The following CLDN10 variants were observed in gnomAD, a reference collection of about 807,000 sequenced individuals.
CLDN10 encodes the protein claudin-10.
A neutral mutation model predicts 22.9 loss-of-function variants in CLDN10; 15 were observed. That is an observed-to-expected ratio of 0.65 (90% CI 0.44 to 1.01). CLDN10 has a LOEUF of 1.01. CLDN10 is among the 50% of genes least tolerant of loss of function. The pLI is 0.00. For missense variants in CLDN10, 247 were observed against 287.8 expected (o/e 0.86, Z 1.03); for synonymous variants, 114 against 111.4 (o/e 1.02, Z -0.15).
At chr13:95,468,487 A>G (rs1011668044) in intron 1 of CLDN10, among the ~76,000 whole-genome samples, 6 of 152,158 alleles carry the variant, frequency 3.9e-5, no homozygotes, top group Admixed American at 3.3e-4. Context: ...ACACTTTGGG[A>G]GGCTGAGGTG....
intron 1 of CLDN10, among the ~76,000 whole-genome samples, chr13:95,467,111 T>A (rs1333798122): frequency 7.2e-5 from 11 of 151,754 alleles, no homozygotes; most frequent in Non-Finnish European, 2.9e-5. Flanking sequence ...TCTCCTGACT[T>A]CATGATCTGC....
intron 1 of CLDN10, among the ~76,000 whole-genome samples, chr13:95,537,364 T>C (rs2043411723): frequency 6.6e-6 from 1 of 152,168 alleles, no homozygotes. Context: ...ACGGCTCTTC[T>C]TGCGTACAGG....
rs2043584072 is a variant in CLDN10, at chr13:95,552,867, G to A, written c.114G>A (p.Thr38=). 6.2e-7 allele frequency: 1 copy of A among 1,614,132 alleles called. No individual in the cohort carries two copies. Among genetic ancestry groups the A allele is most frequent in the South Asian group, 1.1e-5 (1 of 91,088 alleles). The part of the protein sequence containing the change: ...DYWKVSTIDG[T]VITTATYWAN... ...GGAAGGTGTCTACCATCGACGGCAC[G>A]GTCATCACAACCGCCACCTATTGGG... The change falls in exon 1 of 5, where the codon ACG becomes ACA. Residue 38 remains threonine (T), a synonymous_variant. Coordinates refer to ENST00000299339, the MANE Select transcript of CLDN10 (RefSeq NM_006984.5).
At chr13:95,488,950 CTTTTTT>C (rs58919737) in intron 1 of CLDN10, among the ~76,000 whole-genome samples, 11 of 110,716 alleles carry the variant, frequency 9.9e-5, no homozygotes, top group African/African-American at 3.3e-4. Flanking sequence ...ACTTTTTGTT[CTTTTTT>C]TTTTTTTTTT....
chr13:95,435,313 T>C (rs2042257746), intron 1 of CLDN10, among the ~76,000 whole-genome samples: 1 of 152,332 alleles, frequency 6.6e-6, no homozygotes, highest in African/African-American at 2.4e-5. Flanking sequence ...ATAGTAAAAC[T>C]GTACCTTGGC....
chr13:95,576,274 C>T (rs2043923718), intron 3 of CLDN10, among the ~76,000 whole-genome samples: 1 of 152,178 alleles, frequency 6.6e-6, no homozygotes, highest in South Asian at 2.1e-4. Flanking sequence ...GCCTCATCTC[C>T]CCTATGGATT....
chr13:95,510,624 A>G (rs920946384), intron 1 of CLDN10, among the ~76,000 whole-genome samples: 1 of 151,962 alleles, frequency 6.6e-6, no homozygotes, highest in Admixed American at 6.6e-5. Flanking sequence ...CTATACCTTC[A>G]TGTTTGAATT....
intron 1 of CLDN10, among the ~76,000 whole-genome samples, chr13:95,464,697 C>T (rs533994158): frequency 6.6e-6 from 1 of 151,840 alleles, no homozygotes; most frequent in Admixed American, 6.6e-5. Flanking sequence ...GTCCCAGACG[C>T]CATGCTGCAG....
upstream of CLDN10, chr13:95,552,686 G>A: frequency 6.7e-7 from 1 of 1,501,602 alleles, no homozygotes; most frequent in African/African-American, 1.4e-5. Flanking sequence ...CGGAGCCCCG[G>A]GGTTGGGAGT....
intron 1 of CLDN10, among the ~76,000 whole-genome samples, chr13:95,450,757 G>A (rs985153039): frequency 2.0e-5 from 3 of 152,136 alleles, no homozygotes; most frequent in South Asian, 2.1e-4. Context: ...TCAGGTTATC[G>A]TCTACCTGGG....
At chr13:95,560,742 G>A in intron 3 of CLDN10, 2 of 337,378 alleles carry the variant, frequency 5.9e-6, no homozygotes, top group Non-Finnish European at 1.1e-5. Context: ...ATGAAACTGA[G>A]GTCAAGTAGA....
At chr13:95,469,122 CTT>C (rs78396973) in intron 1 of CLDN10, among the ~76,000 whole-genome samples, 2 of 139,774 alleles carry the variant, frequency 1.4e-5, no homozygotes. Context: ...TTTTCTGTTT[CTT>C]TTTTTTTTTT....
intron 1 of CLDN10, among the ~76,000 whole-genome samples, chr13:95,447,563 A>C (rs2042392755): frequency 6.6e-6 from 1 of 152,014 alleles, no homozygotes; most frequent in African/African-American, 2.4e-5. Flanking sequence ...TGCCTGTCCT[A>C]AACATTATGT....
rs541574262 is a variant in CLDN10 at position 95,443,532 on chromosome 13, G to A, written c.214+9485G>A. On this transcript the variant is annotated intron_variant, in intron 1 of 4. Transcript: ENST00000376873. The stretch of plus-strand genomic sequence containing the variant: ...GCGAGACCACGCAGGGAAGAACCAC[G>A]GTCATTCAGGAGCTGGGTGGGAAAC... 1.9e-4 allele frequency among the ~76,000 whole-genome samples: 29 copies of A among 152,258 alleles called. No homozygotes were observed. In the South Asian group the frequency reaches 3.5e-3, roughly 19 times the overall value.
At chr13:95,501,461 G>A (rs1051229979) in intron 1 of CLDN10, among the ~76,000 whole-genome samples, 1 of 152,174 alleles carries the variant, frequency 6.6e-6, no homozygotes, top group African/African-American at 2.4e-5. Flanking sequence ...CTACAGGTGT[G>A]TGCCACCATG....
chr13:95,470,965 G>C (rs1199723555), intron 1 of CLDN10, among the ~76,000 whole-genome samples: 1 of 152,148 alleles, frequency 6.6e-6, no homozygotes, highest in East Asian at 1.9e-4. Flanking sequence ...TAGGTGCTGG[G>C]GAAAGTGAAG....
intron 1 of CLDN10, among the ~76,000 whole-genome samples, chr13:95,498,695 T>A (rs1374651161): frequency 6.6e-6 from 1 of 152,200 alleles, no homozygotes; most frequent in Non-Finnish European, 1.5e-5. Flanking sequence ...GTGCCCAGCC[T>A]ATTCCTCTCC....
intron 3 of CLDN10, among the ~76,000 whole-genome samples, chr13:95,576,685 G>C (rs182714666): frequency 2.6e-5 from 4 of 152,294 alleles, no homozygotes; most frequent in Admixed American, 2.0e-4. Context: ...GCAGAGCACT[G>C]TCACCTGCCA....
chr13:95,465,053 G>T (rs1001139889), intron 1 of CLDN10, among the ~76,000 whole-genome samples: 1 of 152,124 alleles, frequency 6.6e-6, no homozygotes, highest in Non-Finnish European at 1.5e-5. Flanking sequence ...ACCTGAGACT[G>T]GGAAGAAAAT....
Sources: gnomAD v4.1 joint callset for allele counts (sites outside exome capture counted in the v4.1 genomes callset) on GRCh38, gnomAD v4.1.1 for gene constraint, MANE v1.5 for transcripts, NCBI Gene and HGNC (gene_info 2026-07-23, HGNC 2026-07-21) for gene names.